Variants in ZNF469 observed in about 807,000 individuals in gnomAD.
ZNF469 encodes the protein zinc finger protein 469.
Under a neutral mutation model 1.0 loss-of-function variants are expected in ZNF469, and 1 was observed. The observed-to-expected ratio is 1.00, with a 90% CI of 0.35 to 4.73. ZNF469 has a LOEUF of 4.73. Ranked by LOEUF, ZNF469 falls within the 30% of genes most tolerant of loss-of-function variation. ZNF469 has a pLI of 0.16. For missense variants in ZNF469, 6,100 were observed against 5,356.3 expected (o/e 1.14, Z -4.33); for synonymous variants, 2,703 against 2,363.4 (o/e 1.14, Z -4.17).
the ZNF469 span, among the ~76,000 whole-genome samples, chr16:88,306,216 C>A: frequency 6.6e-6 from 1 of 152,228 alleles, no homozygotes; most frequent in Non-Finnish European, 1.5e-5. Context: ...TGCCAGGCAC[C>A]GGACTGTGCT....
chr16:88,248,873 G>T, the ZNF469 span, among the ~76,000 whole-genome samples: 1 of 152,094 alleles, frequency 6.6e-6, no homozygotes, highest in African/African-American at 2.4e-5. Flanking sequence ...CTTTTCCTTT[G>T]TCTGGCAGGG....
the ZNF469 span, among the ~76,000 whole-genome samples, chr16:88,185,633 C>G: frequency 1.3e-5 from 2 of 152,126 alleles, no homozygotes; most frequent in African/African-American, 2.4e-5. Context: ...CACATTTGCA[C>G]ACTCACACAT....
rs1906425725 is a variant in ZNF469 at position 88,434,471 on chromosome 16, C to G, written c.7001C>G (p.Thr2334Ser). The G allele has an allele frequency of 6.5e-7, 1 of 1,549,948 alleles. No individual in the cohort carries two copies. The highest frequency in any genetic ancestry group is 8.7e-7 in the Non-Finnish European group (1 of 1,146,940). The change falls in exon 3 of 3, where the codon ACT becomes AGT. Residue 2334 changes from threonine to serine, a missense_variant. Transcript: ENST00000565624. Reference protein sequence around the residue: ...RGHSSYSPSNTARLGHREGQA... With the variant: ...RGHSSYSPSNSARLGHREGQA... ...CACTCCTCGTATTCTCCAAGCAATACTGCCCGCCTCGGCCACAGGGAGGGC... is the reference window on the plus strand; with the variant it reads ...CACTCCTCGTATTCTCCAAGCAATAGTGCCCGCCTCGGCCACAGGGAGGGC...
At chr16:88,376,715 G>A in the ZNF469 span, among the ~76,000 whole-genome samples, 1 of 152,248 alleles carries the variant, frequency 6.6e-6, no homozygotes, top group Admixed American at 6.5e-5. Context: ...CTGGGTTACC[G>A]CGGCAGATGG....
chr16:88,385,843 C>T (rs1285237692), intron 1 of ZNF469, among the ~76,000 whole-genome samples: 1 of 152,114 alleles, frequency 6.6e-6, no homozygotes, highest in Non-Finnish European at 1.5e-5. Flanking sequence ...TCACAGGGGT[C>T]AGTGGGACGG....
At chr16:88,418,164 C>T (rs1315422228) in intron 1 of ZNF469, among the ~76,000 whole-genome samples, 2 of 152,228 alleles carry the variant, frequency 1.3e-5, no homozygotes, top group African/African-American at 2.4e-5. Flanking sequence ...AGACCTGCGG[C>T]CCCAACCGGT....
chr16:88,201,541 T>G, the ZNF469 span, among the ~76,000 whole-genome samples: 1 of 150,864 alleles, frequency 6.6e-6, no homozygotes, highest in Non-Finnish European at 1.5e-5. The surrounding 1 kb of genome is among the most constrained non-coding windows in gnomAD (Gnocchi z 5.0). Flanking sequence ...AGTGAGAGAG[T>G]GAGACTCTGC....
At chr16:88,122,487 C>G in the ZNF469 span, among the ~76,000 whole-genome samples, 24 of 150,270 alleles carry the variant, frequency 1.6e-4, no homozygotes, top group Non-Finnish European at 3.3e-4. Flanking sequence ...TCCCGTCACT[C>G]GCTATGGCCA....
At chr16:88,307,736 G>A in the ZNF469 span, among the ~76,000 whole-genome samples, 2 of 152,192 alleles carry the variant, frequency 1.3e-5, no homozygotes, top group African/African-American at 4.8e-5. Context: ...GTGTTCTACA[G>A]CCAGGTTCCC....
chr16:88,143,473 C>T, the ZNF469 span, among the ~76,000 whole-genome samples: 5 of 152,120 alleles, frequency 3.3e-5, no homozygotes, highest in African/African-American at 1.2e-4. Flanking sequence ...ACTCCTTCCC[C>T]CTAAGACGCA....
At chr16:88,324,142 G>A in the ZNF469 span, among the ~76,000 whole-genome samples, 220 of 152,330 alleles carry the variant, frequency 1.4e-3, no homozygotes, top group Non-Finnish European at 2.5e-3. Flanking sequence ...GCCTCCCCAC[G>A]GGGCCTGTTC....
At chr16:88,377,785 C>A in the ZNF469 span, among the ~76,000 whole-genome samples, 16 of 152,282 alleles carry the variant, frequency 1.1e-4, 1 homozygote, top group African/African-American at 3.4e-4. Context: ...CGGACCACGC[C>A]ACCCCTCAAG....
chr16:88,142,615 C>T, the ZNF469 span, among the ~76,000 whole-genome samples: 6 of 152,172 alleles, frequency 3.9e-5, no homozygotes, highest in African/African-American at 1.4e-4. Flanking sequence ...ACTGAGCACA[C>T]GTGATGTGCC....
At chr16:88,142,122 C>T in the ZNF469 span, among the ~76,000 whole-genome samples, 2 of 152,308 alleles carry the variant, frequency 1.3e-5, no homozygotes, top group South Asian at 2.1e-4. Context: ...AACAACACAG[C>T]GATGTCCAAG....
the ZNF469 span, among the ~76,000 whole-genome samples, chr16:88,150,967 A>G: frequency 9.2e-5 from 14 of 152,168 alleles, no homozygotes; most frequent in African/African-American, 3.1e-4. Flanking sequence ...ATGGAGTTTG[A>G]AAGTATCGTC....
chr16:88,328,791 C>G, the ZNF469 span, among the ~76,000 whole-genome samples: 1 of 152,192 alleles, frequency 6.6e-6, no homozygotes, highest in African/African-American at 2.4e-5. Context: ...GCTTCCCACA[C>G]AGTGAGCACC....
chr16:88,408,917 G>A (rs1415027052), intron 1 of ZNF469, among the ~76,000 whole-genome samples: 1 of 152,220 alleles, frequency 6.6e-6, no homozygotes, highest in African/African-American at 2.4e-5. Context: ...ACACTCATAG[G>A]GAAGCGGGGA....
At chr16:88,387,486 C>A (rs756938909) in intron 1 of ZNF469, among the ~76,000 whole-genome samples, 1 of 152,158 alleles carries the variant, frequency 6.6e-6, no homozygotes, top group Non-Finnish European at 1.5e-5. Context: ...TTGCTGGTCC[C>A]GAGTCCGGAG....
chr16:88,404,858 G>T lies in ZNF469; in HGVS notation c.-191-19949G>T, dbSNP rs1904983506. On this transcript the variant is annotated intron_variant, in intron 1 of 2. Transcript: ENST00000565624. ...GGTCACCCGTGAATCCCCACCTGGG[G>T]TCATGTTGGTCAGGACACTTTTCAG... 2.0e-5 allele frequency among the ~76,000 whole-genome samples: 3 copies of T among 152,208 alleles called. No homozygotes were observed. In the South Asian group the frequency reaches 6.2e-4, roughly 32 times the overall value.
Sources: gnomAD v4.1 joint callset for allele counts (sites outside exome capture counted in the v4.1 genomes callset) on GRCh38, gnomAD v4.1.1 for gene constraint, Gnocchi (gnomAD v3.1) non-coding constraint, MANE v1.5 for transcripts, NCBI Gene and HGNC (gene_info 2026-07-23, HGNC 2026-07-21) for gene names.